ATG2B: variants seen among roughly 807,000 people sequenced by gnomAD.
ATG2B encodes the protein autophagy-related protein 2 homolog B.
A neutral mutation model predicts 241.3 loss-of-function variants in ATG2B; 121 were observed. The observed-to-expected ratio is 0.50, with a 90% CI of 0.43 to 0.58. ATG2B has a LOEUF of 0.58. ATG2B is among the 20% of genes least tolerant of loss of function. The probability of loss-of-function intolerance (pLI) is 0.00; values close to 1 mark genes in which losing one functional copy is unlikely to be tolerated. For missense variants in ATG2B, 2,306 were observed against 2,491.6 expected (o/e 0.93, Z 1.59); for synonymous variants, 858 against 876.6 (o/e 0.98, Z 0.37).
chr14:96,334,460 C>T lies in ATG2B; in HGVS notation c.966G>A (p.Leu322=). 6.2e-7 allele frequency: 1 copy of T among 1,608,748 alleles called. No individual in the cohort carries two copies. The highest frequency in any genetic ancestry group is 8.5e-7 in the Non-Finnish European group (1 of 1,178,166). Residue 322 remains leucine, a synonymous_variant, in exon 7 of 42, where the codon CTG becomes CTA. Transcript: ENST00000359933. The part of the protein sequence containing the change: ...DGQIDSIHLL[L]SPRQVHLLLD... The stretch of plus-strand genomic sequence containing the variant: ...AAAGCAAGTGCACCTGTCTTGGTGA[C>T]AGGAGTAGATGAATAGAGTCTATCT...
chr14:96,328,383 G>A lies in ATG2B; in HGVS notation c.2127C>T (p.Ser709=), dbSNP rs749343612. The A allele has an allele frequency of 2.6e-5, 42 of 1,612,682 alleles. No individual in the cohort carries two copies. The Middle Eastern group carries it at 5.0e-4, about 19-fold the overall frequency. Residue 709 remains serine (S), a synonymous_variant, in exon 14 of 42, where the codon TCC becomes TCT. Transcript: ENST00000359933. ...GTTTATTATATGAAGTATACATGTG[G>A]GATGCCATCATCTCTACTGTGGCAA... is the stretch of plus-strand genomic sequence containing the variant. ...QKLATVEMMA[S]HMYTSYNKHI... is the part of the protein sequence containing the mutation.
chr14:96,360,035 A>G (rs576396372), intron 1 of ATG2B, among the ~76,000 whole-genome samples: 1 of 152,340 alleles, frequency 6.6e-6, no homozygotes, highest in East Asian at 1.9e-4. Flanking sequence ...ACTTCTGCAC[A>G]CTGAAACATT....
chr14:96,319,043 A>C (rs1430002046), intron 18 of ATG2B, among the ~76,000 whole-genome samples: 1 of 152,202 alleles, frequency 6.6e-6, no homozygotes, highest in Non-Finnish European at 1.5e-5. Context: ...GCCAAAACCC[A>C]GACTCATCGT....
intron 6 of ATG2B, among the ~76,000 whole-genome samples, chr14:96,338,422 T>C (rs1015716757): frequency 2.6e-5 from 4 of 152,194 alleles, no homozygotes; most frequent in Admixed American, 6.5e-5. Context: ...GGTTGTAAGT[T>C]TGTTATATAT....
intron 36 of ATG2B, chr14:96,293,026 T>G (rs1295278194): frequency 6.6e-6 from 1 of 152,234 alleles, no homozygotes; most frequent in African/African-American, 2.4e-5. Flanking sequence ...TAATTAATAT[T>G]TTGGTTGAAT....
chr14:96,298,145 A>C (rs1041095179), intron 34 of ATG2B, among the ~76,000 whole-genome samples: 16 of 152,214 alleles, frequency 1.1e-4, no homozygotes, highest in African/African-American at 4.8e-5. Flanking sequence ...TCAGACACAC[A>C]AAAGAAAATA....
chr14:96,328,887 C>T, intron 12 of ATG2B, 121 bp from the exon 13 acceptor site: 1 of 643,414 alleles, frequency 1.6e-6, no homozygotes, highest in Non-Finnish European at 2.6e-6. Context: ...TCATTTTTGT[C>T]ACTTACTAGC....
chr14:96,339,271 A>AGTGT lies in ATG2B; in HGVS notation c.924+2247_924+2250dup, dbSNP rs34822684. ...CTACCATTCGACCCAGCAATTCCAC[A>AGTGT]GTGTGTGTGTGTGTGTGTGTGTGTG... On this transcript the variant is annotated intron_variant, in intron 6 of 41. Transcript: ENST00000359933. Among the ~76,000 whole-genome samples the AGTGT allele has an allele frequency of 4.8e-3, 705 of 147,554 alleles. 6 individuals are homozygous for AGTGT. Among genetic ancestry groups the AGTGT allele is most frequent in the African/African-American group, 0.014 (563 of 40,324 alleles).
At chr14:96,338,233 A>T (rs1266768272) in intron 6 of ATG2B, among the ~76,000 whole-genome samples, 3 of 152,058 alleles carry the variant, frequency 2.0e-5, no homozygotes, top group Admixed American at 2.0e-4. Flanking sequence ...ATAGGTGAAC[A>T]GCTATAGTTA....
intron 41 of ATG2B, among the ~76,000 whole-genome samples, chr14:96,287,852 GC>G (rs1566711788): frequency 6.6e-6 from 1 of 152,008 alleles, no homozygotes; most frequent in African/African-American, 2.4e-5. Flanking sequence ...TAGCTCAAAG[GC>G]CCATACAAAA....
At chr14:96,307,957 C>G (rs1159833112) in intron 29 of ATG2B, among the ~76,000 whole-genome samples, 1 of 151,546 alleles carries the variant, frequency 6.6e-6, no homozygotes. Flanking sequence ...GAACACTAAG[C>G]TGAATCAAGA....
At chr14:96,360,933 C>CAAA (rs35630598) in intron 1 of ATG2B, among the ~76,000 whole-genome samples, 15,255 of 72,800 alleles carry the variant, frequency 0.21, 1,831 homozygotes, top group Non-Finnish European at 0.25. Context: ...AATCCTCTAC[C>CAAA]AAAAAAAAAA....
chr14:96,345,481 C>A (rs1178081467), intron 2 of ATG2B, 96 bp from the exon 3 acceptor site: 1 of 934,056 alleles, frequency 1.1e-6, no homozygotes, highest in African/African-American at 1.7e-5. Context: ...AATTCTTAAT[C>A]TTTTAAGAGA....
intron 23 of ATG2B, among the ~76,000 whole-genome samples, chr14:96,314,440 T>A (rs898788215): frequency 6.6e-6 from 1 of 152,210 alleles, no homozygotes; most frequent in South Asian, 2.1e-4. Context: ...TAAAGCAACA[T>A]CATATTATTG....
At chr14:96,356,126 A>T (rs941488066) in intron 1 of ATG2B, among the ~76,000 whole-genome samples, 4 of 151,128 alleles carry the variant, frequency 2.6e-5, no homozygotes, top group Non-Finnish European at 5.9e-5. Flanking sequence ...AGCTGAGATC[A>T]CGCCACTGCA....
At position 96,281,274 on chromosome 14, in the gene ATG2B, T is replaced by G. The variant is rs1256697110; in HGVS notation, c.*4481A>C. ...AAAGCAAAATCCAAAGAGTAAATAT[T>G]TTAATTTTTTCTTCAAGAGTATTCT... On this transcript the variant is annotated 3_prime_UTR_variant, in exon 42 of 42. Coordinates refer to ENST00000359933, the MANE Select transcript of ATG2B (RefSeq NM_018036.7). 1 of 152,228 alleles carries G rather than the reference T, an allele frequency of 6.6e-6. No individual in the cohort carries two copies. Among genetic ancestry groups the G allele is most frequent in the African/African-American group, 2.4e-5 (1 of 41,452 alleles). 9.4% of individuals were successfully genotyped at this position (152,228 alleles called of 1,614,324 possible).
chr14:96,287,586 T>C (rs1397765243), intron 41 of ATG2B, among the ~76,000 whole-genome samples: 1 of 152,238 alleles, frequency 6.6e-6, no homozygotes, highest in Non-Finnish European at 1.5e-5. Flanking sequence ...GCCTTCCTCC[T>C]ACGGTGATTG....
chr14:96,296,797 A>T (rs1223446234), intron 34 of ATG2B, among the ~76,000 whole-genome samples: 1 of 151,878 alleles, frequency 6.6e-6, no homozygotes, highest in Non-Finnish European at 1.5e-5. Flanking sequence ...AAAAACCTAA[A>T]CTAATATAAA....
At position 96,290,617 on chromosome 14, in the gene ATG2B, T is replaced by C. The variant is rs757167490; in HGVS notation, c.5702-27A>G. 5 of 1,612,346 alleles carry C rather than the reference T, an allele frequency of 3.1e-6. No homozygotes were observed. The highest frequency in any genetic ancestry group is 2.2e-5 in the East Asian group (1 of 44,862). The stretch of plus-strand genomic sequence containing the variant: ...TACAACAGTCAACACAAAATCAACA[T>C]CAGTGCCACAGTTCAGACTTTTCTA... On this transcript the variant is annotated intron_variant, in intron 39 of 41. Coordinates refer to ENST00000359933, the MANE Select transcript of ATG2B (RefSeq NM_018036.7). This position sits in a 1 kb window ranked among gnomAD's most constrained non-coding sequence, Gnocchi z 4.4.
Sources: gnomAD v4.1 joint callset for allele counts (sites outside exome capture counted in the v4.1 genomes callset) on GRCh38, gnomAD v4.1.1 for gene constraint, Gnocchi (gnomAD v3.1) non-coding constraint, MANE v1.5 for transcripts, NCBI Gene and HGNC (gene_info 2026-07-23, HGNC 2026-07-21) for gene names.